RSPO2: variants seen among roughly 807,000 people sequenced by gnomAD.
RSPO2 encodes R-spondin-2.
Under a neutral mutation model 30.9 loss-of-function variants are expected in RSPO2, and 14 were observed. The ratio of observed to expected loss-of-function variants is 0.45; its 90% CI spans 0.30 to 0.71. The LOEUF is 0.71. Among genes scored for constraint, RSPO2 ranks in the 30% least tolerant of loss-of-function variants. RSPO2 has a pLI of 0.08. For missense variants in RSPO2, 264 were observed against 301.9 expected (o/e 0.87, Z 0.93); for synonymous variants, 107 against 96.4 (o/e 1.11, Z -0.64).
intron 2 of RSPO2, among the ~76,000 whole-genome samples, chr8:108,056,047 T>C (rs1309203723): frequency 6.6e-6 from 1 of 152,200 alleles, no homozygotes; most frequent in African/African-American, 2.4e-5. Flanking sequence ...AAAATAGGTC[T>C]ACCTCACAAG....
At chr8:107,974,723 G>C (rs1814148633) in intron 3 of RSPO2, among the ~76,000 whole-genome samples, 1 of 152,002 alleles carries the variant, frequency 6.6e-6, no homozygotes, top group South Asian at 2.1e-4. Context: ...AAAAAGCAGG[G>C]AGGGGGGAAG....
chr8:107,905,319 A>G (rs1811601965), intron 5 of RSPO2, among the ~76,000 whole-genome samples: 1 of 152,018 alleles, frequency 6.6e-6, no homozygotes, highest in African/African-American at 2.4e-5. Context: ...ACTAAAGAAA[A>G]ATTTCAGTAG....
chr8:108,011,555 T>C (rs150570751), intron 2 of RSPO2, among the ~76,000 whole-genome samples: 2,031 of 152,340 alleles, frequency 0.013, 17 homozygotes, highest in Non-Finnish European at 0.024. Flanking sequence ...AATTTGGCTT[T>C]TAAAATAATT....
At chr8:108,058,651 T>C (rs1812340483) in intron 2 of RSPO2, among the ~76,000 whole-genome samples, 1 of 151,772 alleles carries the variant, frequency 6.6e-6, no homozygotes, top group African/African-American at 2.4e-5. Flanking sequence ...AAAACAGAGA[T>C]ATAGATCAAT....
chr8:108,025,263 G>C (rs1333030624), intron 2 of RSPO2, among the ~76,000 whole-genome samples: 1 of 152,090 alleles, frequency 6.6e-6, no homozygotes, highest in East Asian at 1.9e-4. Flanking sequence ...GGAGCTCCTT[G>C]GAGAAATGCT....
At chr8:107,986,366 T>A (rs1814633130) in intron 3 of RSPO2, among the ~76,000 whole-genome samples, 1 of 152,188 alleles carries the variant, frequency 6.6e-6, no homozygotes, top group Non-Finnish European at 1.5e-5. Context: ...ACTCCAACAT[T>A]GATTGTATTC....
intron 5 of RSPO2, among the ~76,000 whole-genome samples, chr8:107,916,826 G>A (rs1188093628): frequency 6.6e-6 from 1 of 152,102 alleles, no homozygotes; most frequent in Admixed American, 6.5e-5. Flanking sequence ...AAATAACATG[G>A]TTTTCTTAGA....
At chr8:107,926,199 T>C (rs1586549291) in intron 5 of RSPO2, among the ~76,000 whole-genome samples, 2 of 152,216 alleles carry the variant, frequency 1.3e-5, no homozygotes, top group African/African-American at 4.8e-5. Flanking sequence ...TGCATAAATG[T>C]CTTCTTTTGA....
chr8:107,924,638 G>A (rs1339399379), intron 5 of RSPO2, among the ~76,000 whole-genome samples: 2 of 151,934 alleles, frequency 1.3e-5, no homozygotes, highest in Non-Finnish European at 2.9e-5. Context: ...GAGCAGTAGG[G>A]TACTGATGAA....
chr8:107,987,293 C>T (rs1814679650), intron 3 of RSPO2, among the ~76,000 whole-genome samples: 1 of 152,098 alleles, frequency 6.6e-6, no homozygotes, highest in Non-Finnish European at 1.5e-5. Context: ...TTTTGTTCCT[C>T]TCCAATTCAT....
Position 107,989,238 on chromosome 8 carries a change from T to C in RSPO2, c.101A>G (p.Tyr34Cys), listed in dbSNP as rs763230106. 81 of 1,551,016 alleles carry C rather than the reference T, an allele frequency of 5.2e-5. No individual in the cohort carries two copies. The highest frequency in any genetic ancestry group is 6.9e-5 in the Non-Finnish European group (80 of 1,155,148). The part of the protein sequence containing the change: ...NRWRRSKRAS[Y>C]VSNPICKGCL... ...ACCCTTGCAAATGGGATTTGATACA[T>C]AACTAGCTGTAAAAGAAAAACAAAA... is the stretch of plus-strand genomic sequence containing the variant. The change falls in exon 3 of 6, where the codon TAT (tyrosine) becomes TGT (cysteine). Residue 34 changes from tyrosine to cysteine, a missense_variant. Tyr to Cys is a radical substitution (Grantham distance 194). Coordinates refer to ENST00000276659, the MANE Select transcript of RSPO2 (RefSeq NM_178565.5).
chr8:107,906,245 A>C (rs1456113396), intron 5 of RSPO2, among the ~76,000 whole-genome samples: 1 of 151,924 alleles, frequency 6.6e-6, no homozygotes, highest in Non-Finnish European at 1.5e-5. Context: ...ATACTGAAAA[A>C]ATTGTAATGT....
rs145564055 is a variant in RSPO2 at position 107,902,084 on chromosome 8, G to T, written c.617-894C>A. On this transcript the variant is annotated intron_variant, in intron 5 of 5. Transcript: ENST00000276659. Reference sequence around the variant, plus strand: ...TAAGATTTTGAGAAAAAAGAATAAAGAACATGAGACATCTGTCTTAGGTCC... The same window carrying T: ...TAAGATTTTGAGAAAAAAGAATAAATAACATGAGACATCTGTCTTAGGTCC... Among the ~76,000 whole-genome samples the T allele has an allele frequency of 2.0e-5, 3 of 152,222 alleles. No individual in the cohort carries two copies. The East Asian group carries it at 5.8e-4, about 29-fold the overall frequency.
At chr8:107,915,980 C>T (rs2130291070) in intron 5 of RSPO2, among the ~76,000 whole-genome samples, 1 of 152,188 alleles carries the variant, frequency 6.6e-6, no homozygotes, top group East Asian at 1.9e-4. Context: ...CCCTGTTCTC[C>T]AAGAGCTTCA....
At chr8:107,928,048 C>CTA (rs1812441168) in intron 5 of RSPO2, among the ~76,000 whole-genome samples, 1 of 152,060 alleles carries the variant, frequency 6.6e-6, no homozygotes, top group South Asian at 2.1e-4. Context: ...CTCATCTGCT[C>CTA]TATATATATG....
At chr8:108,058,389 G>A (rs1235289661) in intron 2 of RSPO2, among the ~76,000 whole-genome samples, 3 of 152,160 alleles carry the variant, frequency 2.0e-5, no homozygotes, top group Non-Finnish European at 4.4e-5. Context: ...CTCATGGGTA[G>A]GAAGAATCAA....
intron 2 of RSPO2, among the ~76,000 whole-genome samples, chr8:108,001,010 T>TA: frequency 7.0e-6 from 1 of 141,926 alleles, no homozygotes. Context: ...CTTAAAAAAA[T>TA]AAAAATAAAT....
rs1379826246 is a variant in RSPO2, at chr8:107,958,119, A to T, written c.577T>A (p.Ser193Thr). The T allele has an allele frequency of 1.2e-6, 2 of 1,613,642 alleles. No homozygotes were observed. The highest frequency in any genetic ancestry group is 2.7e-5 in the African/African-American group (2 of 74,892). Reference protein sequence around the residue: ...DTILCPTIAESRRCKMTMRHC... With the variant: ...DTILCPTIAETRRCKMTMRHC... Reference sequence around the variant, plus strand: ...CTCATTGTCATCTTGCATCTCCTGGATTCAGCAATGGTTGGACACAGTATT... The same window carrying T: ...CTCATTGTCATCTTGCATCTCCTGGTTTCAGCAATGGTTGGACACAGTATT... The change falls in exon 5 of 6, where the codon TCC (serine) becomes ACC (threonine). Residue 193 changes from serine (S) to threonine (T), a missense_variant. Ser to Thr is a moderately conservative substitution (Grantham distance 58). Coordinates refer to ENST00000276659, the MANE Select transcript of RSPO2 (RefSeq NM_178565.5).
intron 3 of RSPO2, among the ~76,000 whole-genome samples, chr8:107,968,920 C>T (rs1462182532): frequency 6.6e-6 from 1 of 152,052 alleles, no homozygotes; most frequent in Non-Finnish European, 1.5e-5. Flanking sequence ...GGGCATTACC[C>T]ACTGTCTAGA....
Sources: allele counts gnomAD v4.1 joint callset (sites outside exome capture counted in the v4.1 genomes callset), GRCh38; gene constraint gnomAD v4.1.1; transcripts MANE v1.5; gene names NCBI Gene and HGNC (gene_info 2026-07-23, HGNC 2026-07-21).